The following ZFHX3 variants were observed in gnomAD, a reference collection of about 807,000 sequenced individuals.
The protein encoded by ZFHX3 is zinc finger homeobox 3, also known as zinc finger homeobox protein 3.
Under a neutral mutation model 279.1 loss-of-function variants are expected in ZFHX3, and 42 were observed. That is an observed-to-expected ratio of 0.15 (90% confidence interval 0.12 to 0.19). The LOEUF (loss-of-function observed/expected upper bound fraction) is 0.19. Among genes scored for constraint, ZFHX3 ranks in the 10% least tolerant of loss-of-function variants. The pLI is 1.00. For missense variants in ZFHX3, 4,981 were observed against 4,754.0 expected (o/e 1.05, Z -1.40); for synonymous variants, 2,293 against 1,957.8 (o/e 1.17, Z -4.52).
chr16:73,512,409 C>T (rs989769811), intron 2 of ZFHX3, among the ~76,000 whole-genome samples: 5 of 142,880 alleles, frequency 3.5e-5, no homozygotes, highest in Non-Finnish European at 6.0e-5. Flanking sequence ...GATCACTCCA[C>T]TGCACTCCAG....
At chr16:73,074,037 C>T (rs1965855714) in intron 8 of ZFHX3, among the ~76,000 whole-genome samples, 1 of 152,216 alleles carries the variant, frequency 6.6e-6, no homozygotes. Context: ...TGAATGTGTG[C>T]TCTTCACTTC....
chr16:73,234,411 T>A (rs1329418725), intron 5 of ZFHX3, among the ~76,000 whole-genome samples: 2 of 152,204 alleles, frequency 1.3e-5, no homozygotes, highest in Non-Finnish European at 2.9e-5. Context: ...AGATCCTTTT[T>A]TGTGTTTGTT....
chr16:73,588,633 T>C (rs2051952924), intron 2 of ZFHX3, among the ~76,000 whole-genome samples: 1 of 146,712 alleles, frequency 6.8e-6, no homozygotes, highest in South Asian at 2.1e-4. Flanking sequence ...GAGCTTGCAG[T>C]GAGCTGAGAT....
At chr16:73,154,604 C>T (rs1967027214) in intron 5 of ZFHX3, among the ~76,000 whole-genome samples, 1 of 152,138 alleles carries the variant, frequency 6.6e-6, no homozygotes, top group Non-Finnish European at 1.5e-5. Context: ...TTTGTGGTGA[C>T]TCTGCAGTAG....
rs374632779 is a variant in ZFHX3 at position 73,281,265 on chromosome 16, T to G, written c.-1193-24129A>C. ...GATAGATGAATGGATGAAGAAATGG[T>G]GGTGTATATACACAATGGAATATTA... On this transcript the variant is annotated intron_variant, in intron 4 of 17. Coordinates refer to the ZFHX3 transcript ENST00000641206. Among the ~76,000 whole-genome samples the G allele has an allele frequency of 2.8e-4, 43 of 152,272 alleles. 3 individuals are homozygous for G. Among genetic ancestry groups the G allele is most frequent in the South Asian group, 1.2e-3 (6 of 4,820 alleles).
intron 1 of ZFHX3, among the ~76,000 whole-genome samples, chr16:73,741,624 A>G (rs897646716): frequency 6.6e-6 from 1 of 152,214 alleles, no homozygotes; most frequent in African/African-American, 2.4e-5. Flanking sequence ...TTAGCCCCAC[A>G]GAAGCTTGAC....
intron 5 of ZFHX3, among the ~76,000 whole-genome samples, chr16:73,153,883 C>A (rs919702664): frequency 1.3e-5 from 2 of 151,782 alleles, no homozygotes; most frequent in Non-Finnish European, 2.9e-5. Context: ...AAGGACAGGC[C>A]TTAATAATTT....
intron 4 of ZFHX3, among the ~76,000 whole-genome samples, chr16:73,317,445 T>G (rs911058585): frequency 6.6e-6 from 1 of 152,210 alleles, no homozygotes; most frequent in Non-Finnish European, 1.5e-5. Context: ...TACCAGCTAT[T>G]GGCTCAACAC....
chr16:73,873,666 T>C (rs1301457874), intron 1 of ZFHX3, among the ~76,000 whole-genome samples: 1 of 152,154 alleles, frequency 6.6e-6, no homozygotes, highest in Non-Finnish European at 1.5e-5. Flanking sequence ...CTAAGGAATG[T>C]TGAAAGTTAA....
intron 1 of ZFHX3, among the ~76,000 whole-genome samples, chr16:73,816,542 C>A (rs1481150656): frequency 6.6e-6 from 1 of 152,114 alleles, no homozygotes; most frequent in Admixed American, 6.6e-5. Context: ...TTATGGCCCA[C>A]AAAGCTAAAA....
chr16:73,722,115 C>T (rs1008183807), intron 1 of ZFHX3, among the ~76,000 whole-genome samples: 7 of 152,176 alleles, frequency 4.6e-5, no homozygotes, highest in African/African-American at 1.7e-4. Flanking sequence ...GTAAGCACTT[C>T]CTATATGCTT....
At chr16:73,323,128 T>C (rs1440747503) in intron 3 of ZFHX3, among the ~76,000 whole-genome samples, 3 of 152,090 alleles carry the variant, frequency 2.0e-5, no homozygotes, top group East Asian at 3.9e-4. Flanking sequence ...AGAGCGATCA[T>C]CATGGCTGGG....
intron 4 of ZFHX3, among the ~76,000 whole-genome samples, chr16:73,268,678 G>C (rs1005281288): frequency 2.0e-5 from 3 of 152,144 alleles, no homozygotes; most frequent in Admixed American, 1.3e-4. Flanking sequence ...CAGAGGGCTC[G>C]GGGCGCACCT....
intron 3 of ZFHX3, among the ~76,000 whole-genome samples, chr16:73,415,847 C>T (rs377569945): frequency 1.4e-4 from 22 of 152,256 alleles, no homozygotes; most frequent in Non-Finnish European, 1.6e-4. Flanking sequence ...GGGCTGGGCA[C>T]AGTGGCTCAT....
At chr16:73,076,289 C>T (rs1402873639) in intron 8 of ZFHX3, among the ~76,000 whole-genome samples, 3 of 152,184 alleles carry the variant, frequency 2.0e-5, no homozygotes, top group African/African-American at 7.2e-5. Flanking sequence ...GGAACTGAAA[C>T]AAATCTAAGA....
chr16:73,669,398 C>G (rs2052879594), intron 2 of ZFHX3, among the ~76,000 whole-genome samples: 1 of 152,154 alleles, frequency 6.6e-6, no homozygotes, highest in Admixed American at 6.5e-5. Flanking sequence ...CTGAATTCAA[C>G]TGGAGAAACT....
At chr16:73,241,775 A>G (rs1376014404) in intron 5 of ZFHX3, among the ~76,000 whole-genome samples, 1 of 136,900 alleles carries the variant, frequency 7.3e-6, no homozygotes, top group Non-Finnish European at 1.5e-5. Context: ...GGGCAATAAG[A>G]GCAAAACTCC....
chr16:73,312,974 T>C (rs1267309150), intron 4 of ZFHX3, among the ~76,000 whole-genome samples: 1 of 152,214 alleles, frequency 6.6e-6, no homozygotes, highest in East Asian at 1.9e-4. Context: ...GTGATATGGT[T>C]TGGCTCTGTG....
At chr16:73,517,518 TC>T (rs1209085222) in intron 2 of ZFHX3, among the ~76,000 whole-genome samples, 1 of 152,206 alleles carries the variant, frequency 6.6e-6, no homozygotes, top group Non-Finnish European at 1.5e-5. Flanking sequence ...GTTAGTTGTT[TC>T]AGTCACCAGG....
Sources: gnomAD v4.1 joint callset for allele counts (sites outside exome capture counted in the v4.1 genomes callset) on GRCh38, gnomAD v4.1.1 for gene constraint, MANE v1.5 for transcripts, NCBI Gene and HGNC (gene_info 2026-07-23, HGNC 2026-07-21) for gene names.